Variants in DOK6 observed in about 807,000 individuals in gnomAD.
DOK6 encodes docking protein 6, also known as downstream of tyrosine kinase 6.
In DOK6, 22 loss-of-function variants were observed where a neutral mutation model predicts 44.0. The observed-to-expected ratio is 0.50, with a 90% CI of 0.36 to 0.71. The LOEUF (loss-of-function observed/expected upper bound fraction) is 0.71, where lower values mean the gene tolerates loss of function less well. DOK6 is among the 30% of genes least tolerant of loss of function. The pLI is 0.00. For synonymous variants in DOK6, 166 were observed against 145.5 expected (o/e 1.14, Z -1.01); for missense variants, 340 against 416.4 (o/e 0.82, Z 1.60).
At chr18:69,616,172 T>C (rs978145463) in intron 3 of DOK6, among the ~76,000 whole-genome samples, 5 of 152,340 alleles carry the variant, frequency 3.3e-5, no homozygotes, top group African/African-American at 1.2e-4. Context: ...GAGGCTTCTC[T>C]TCCTGTTCCC....
intron 3 of DOK6, among the ~76,000 whole-genome samples, chr18:69,629,837 C>A (rs572664652): frequency 4.6e-5 from 7 of 152,248 alleles, no homozygotes; most frequent in African/African-American, 1.7e-4. Flanking sequence ...GCTGTCCAGG[C>A]TGGAGTGCAG....
At chr18:69,700,210 TATATAC>T (rs1391738352) in intron 5 of DOK6, among the ~76,000 whole-genome samples, 1 of 125,534 alleles carries the variant, frequency 8.0e-6, no homozygotes, top group Non-Finnish European at 1.7e-5. Flanking sequence ...GTTTTACATA[TATATAC>T]ATATATATAT....
chr18:69,676,944 T>C (rs1366044093), intron 3 of DOK6, among the ~76,000 whole-genome samples: 1 of 152,168 alleles, frequency 6.6e-6, no homozygotes, highest in African/African-American at 2.4e-5. Flanking sequence ...AAAATGTGAT[T>C]ATAAAGAAAT....
At chr18:69,502,050 T>C (rs1270303532) in intron 1 of DOK6, among the ~76,000 whole-genome samples, 3 of 152,098 alleles carry the variant, frequency 2.0e-5, no homozygotes, top group African/African-American at 7.2e-5. Context: ...TTTTATTTAA[T>C]ACATAGAATA....
intron 5 of DOK6, among the ~76,000 whole-genome samples, chr18:69,718,501 A>G (rs1986933655): frequency 6.6e-6 from 1 of 152,238 alleles, no homozygotes; most frequent in Non-Finnish European, 1.5e-5. Flanking sequence ...ACATTTTATC[A>G]TGAAAGGAAT....
intron 7 of DOK6, among the ~76,000 whole-genome samples, chr18:69,798,792 GT>G (rs942985612): frequency 6.6e-6 from 1 of 151,626 alleles, no homozygotes; most frequent in African/African-American, 2.4e-5. Flanking sequence ...CCATTTACAA[GT>G]TTTTATGTTA....
At chr18:69,546,330 A>G (rs964119798) in intron 1 of DOK6, among the ~76,000 whole-genome samples, 22 of 151,396 alleles carry the variant, frequency 1.5e-4, no homozygotes, top group African/African-American at 4.3e-4. Context: ...ATACATACAT[A>G]TACCTGTATG....
rs1312478771 is a variant in DOK6, at chr18:69,545,838, A to G, written c.67-18649A>G. ...GCAAATGATGAAATTTTTAAGCTAC[A>G]AAGTTGGTAAGTACATTCTCTTATA... On this transcript the variant is annotated intron_variant, in intron 1 of 7. Coordinates refer to ENST00000382713, the MANE Select transcript of DOK6 (RefSeq NM_152721.6). 2.6e-5 allele frequency among the ~76,000 whole-genome samples: 4 copies of G among 151,520 alleles called. No homozygotes were observed. In the South Asian group the frequency reaches 6.3e-4, roughly 24 times the overall value.
At chr18:69,690,023 G>T (rs1343919019) in intron 4 of DOK6, among the ~76,000 whole-genome samples, 7 of 152,010 alleles carry the variant, frequency 4.6e-5, no homozygotes, top group Non-Finnish European at 8.8e-5. Flanking sequence ...CAGTATAACA[G>T]AAATCTCTAA....
At chr18:69,839,562 G>T (rs1982153262) in intron 7 of DOK6, among the ~76,000 whole-genome samples, 1 of 152,214 alleles carries the variant, frequency 6.6e-6, no homozygotes, top group South Asian at 2.1e-4. Context: ...TTGCAGGAAA[G>T]AAGATGCACT....
At chr18:69,618,316 C>T (rs1568312954) in intron 3 of DOK6, among the ~76,000 whole-genome samples, 1 of 152,172 alleles carries the variant, frequency 6.6e-6, no homozygotes, top group Non-Finnish European at 1.5e-5. Context: ...GACTAAATGG[C>T]TTCCAACAGG....
chr18:69,647,167 T>A (rs994202775), intron 3 of DOK6, among the ~76,000 whole-genome samples: 7 of 152,142 alleles, frequency 4.6e-5, no homozygotes, highest in Non-Finnish European at 1.0e-4. Flanking sequence ...CCTATCCATC[T>A]ATCCTATCCA....
intron 3 of DOK6, among the ~76,000 whole-genome samples, chr18:69,627,593 C>CAT: frequency 1.3e-5 from 2 of 152,042 alleles, no homozygotes; most frequent in African/African-American, 4.8e-5. Flanking sequence ...GGACTGCAGG[C>CAT]GCCCGCCACC....
chr18:69,709,640 A>C (rs1447894961), intron 5 of DOK6, among the ~76,000 whole-genome samples: 1 of 152,188 alleles, frequency 6.6e-6, no homozygotes, highest in African/African-American at 2.4e-5. Flanking sequence ...TGATCATGGT[A>C]ATTAACTCAC....
intron 3 of DOK6, among the ~76,000 whole-genome samples, chr18:69,647,823 C>T (rs1985122843): frequency 6.6e-6 from 1 of 152,056 alleles, no homozygotes; most frequent in African/African-American, 2.4e-5. Context: ...GGGCAGAGGA[C>T]AGAAGAAGTG....
intron 3 of DOK6, among the ~76,000 whole-genome samples, chr18:69,676,628 G>A (rs549988039): frequency 1.2e-4 from 18 of 152,278 alleles, no homozygotes; most frequent in African/African-American, 3.6e-4. Context: ...CTGGGCAGAC[G>A]TCAATGGAAA....
At chr18:69,493,250 C>A (rs144016496) in intron 1 of DOK6, among the ~76,000 whole-genome samples, 1 of 152,214 alleles carries the variant, frequency 6.6e-6, no homozygotes, top group African/African-American at 2.4e-5. Flanking sequence ...TAAACTTACA[C>A]GTTTGGCATG....
rs1982376068 is a variant in DOK6 at position 69,847,761 on chromosome 18, G to T, written c.*6378G>T. 2.0e-5 allele frequency: 1 copy of T among 50,402 alleles called. No homozygotes were observed. Among genetic ancestry groups the T allele is most frequent in the Middle Eastern group, 0.012 (1 of 82 alleles). The allele number at this position is 50,402 out of a possible 1,614,324, so 3.1% of individuals were successfully genotyped here. On this transcript the variant is annotated 3_prime_UTR_variant, in exon 8 of 8. Transcript: ENST00000382713. ...AGTTCAAGAAATAATGCTTACTCTT[G>T]TAAAAAAAAAAAATATATATATATG... is the stretch of plus-strand genomic sequence containing the variant.
intron 1 of DOK6, among the ~76,000 whole-genome samples, chr18:69,446,801 T>A (rs1979307855): frequency 6.6e-6 from 1 of 152,362 alleles, no homozygotes. Flanking sequence ...ATTTCTCTGA[T>A]GGCCAGTGAT....
Sources: gnomAD v4.1 joint callset for allele counts (sites outside exome capture counted in the v4.1 genomes callset) on GRCh38, gnomAD v4.1.1 for gene constraint, MANE v1.5 for transcripts, NCBI Gene and HGNC (gene_info 2026-07-23, HGNC 2026-07-21) for gene names.